Variants in SGSM1 observed in about 807,000 individuals in gnomAD.
SGSM1 encodes small G protein signaling modulator 1, also known as RUN and TBC1 domain containing 2.
In SGSM1, 73 loss-of-function variants were observed where a neutral mutation model predicts 133.8. That is an observed-to-expected ratio of 0.55 (90% confidence interval 0.45 to 0.66). The LOEUF is 0.66. Ranked by LOEUF, SGSM1 falls within the 30% of genes least tolerant of loss-of-function variation. The pLI is 0.00. For synonymous variants in SGSM1, 563 were observed against 573.0 expected, an observed-to-expected ratio of 0.98 and a Z score of 0.25; for missense variants, 1,213 against 1,448.1, an observed-to-expected ratio of 0.84 and a Z score of 2.64.
Position 24,895,286 on chromosome 22 carries a change from A to T in SGSM1, c.2017A>T (p.Thr673Ser), listed in dbSNP as rs915344083. The T allele has an allele frequency of 5.8e-5, 93 of 1,611,080 alleles. No individual in the cohort carries two copies. The highest frequency in any genetic ancestry group is 7.8e-5 in the Non-Finnish European group (92 of 1,178,858). Reference sequence around the variant, plus strand: ...CCTGCACAGCGACTCCAGCAGCAGCACACAGGTGACCTTGTGGAGGCCTCG... The same window carrying T: ...CCTGCACAGCGACTCCAGCAGCAGCTCACAGGTGACCTTGTGGAGGCCTCG... ...IRLHSDSSSS[T>S]QVFESVDEVE... Residue 673 changes from threonine to serine, a missense_variant, in exon 18 of 25, where the codon ACA becomes TCA. Physicochemically the swap from Thr to Ser is moderately conservative, Grantham distance 58. Coordinates refer to ENST00000400358, the MANE Select transcript of SGSM1 (RefSeq NM_001098497.3).
chr22:24,889,959 ATT>A (rs72491088), intron 16 of SGSM1, among the ~76,000 whole-genome samples: 15,999 of 120,840 alleles, frequency 0.13, 1,077 homozygotes, highest in African/African-American at 0.21. Context: ...CCTTAAATGG[ATT>A]TTTTTTTTTT....
At chr22:24,859,514 A>G in intron 8 of SGSM1, 5 of 685,436 alleles carry the variant, frequency 7.3e-6, no homozygotes, top group South Asian at 6.0e-5. Context: ...TGTAGAACCC[A>G]TTTGGGAGGC....
At chr22:24,909,947 T>C (rs903264484) in intron 21 of SGSM1, among the ~76,000 whole-genome samples, 12 of 152,202 alleles carry the variant, frequency 7.9e-5, no homozygotes, top group Non-Finnish European at 1.2e-4. Flanking sequence ...ACAGTCCAAA[T>C]GTCCATCAAA....
At chr22:24,815,048 G>A (rs1012775882) in intron 2 of SGSM1, among the ~76,000 whole-genome samples, 1 of 152,242 alleles carries the variant, frequency 6.6e-6, no homozygotes, top group African/African-American at 2.4e-5. Context: ...AAACTCAGAT[G>A]TGGGGCAGTG....
At chr22:24,905,420 A>G (rs1933339990) in intron 21 of SGSM1, among the ~76,000 whole-genome samples, 1 of 152,132 alleles carries the variant, frequency 6.6e-6, no homozygotes, top group Non-Finnish European at 1.5e-5. Context: ...TATGAATATG[A>G]ATGAGAACAA....
At chr22:24,880,497 G>A (rs571633387) in intron 14 of SGSM1, among the ~76,000 whole-genome samples, 5 of 152,188 alleles carry the variant, frequency 3.3e-5, no homozygotes, top group East Asian at 1.9e-4. Context: ...AAGATAAAAC[G>A]TGTGTGTATT....
intron 16 of SGSM1, among the ~76,000 whole-genome samples, chr22:24,890,165 A>C (rs184045918): frequency 0.021 from 3,133 of 151,574 alleles, 93 homozygotes; most frequent in African/African-American, 0.067. Flanking sequence ...ACCGTGTTAG[A>C]TAGGATGGTC....
chr22:24,823,186 T>C (rs1009036354), intron 2 of SGSM1, among the ~76,000 whole-genome samples: 1 of 152,180 alleles, frequency 6.6e-6, no homozygotes, highest in Non-Finnish European at 1.5e-5. Flanking sequence ...CTATGGAGAT[T>C]AGATGAGATC....
chr22:24,895,160 C>A, intron 17 of SGSM1, 63 bp from the exon 18 acceptor site: 1 of 1,507,856 alleles, frequency 6.6e-7, no homozygotes, highest in Non-Finnish European at 9.1e-7. Flanking sequence ...GCCCAGCAGT[C>A]CTTCCTGCTC....
intron 2 of SGSM1, among the ~76,000 whole-genome samples, chr22:24,810,863 G>A (rs1241092570): frequency 6.6e-6 from 1 of 152,174 alleles, no homozygotes; most frequent in Admixed American, 6.5e-5. Flanking sequence ...GGAGAGGCAG[G>A]CAGGACTTGC....
chr22:24,850,500 C>T (rs1175873039), intron 5 of SGSM1, 68 bp downstream of exon 5: 8 of 1,573,144 alleles, frequency 5.1e-6, no homozygotes, highest in South Asian at 2.3e-5. Flanking sequence ...GGAAATTGCA[C>T]CCCCTGGCAC....
chr22:24,811,070 T>A (rs1341546441), intron 2 of SGSM1, among the ~76,000 whole-genome samples: 2 of 152,322 alleles, frequency 1.3e-5, no homozygotes, highest in African/African-American at 4.8e-5. Context: ...AGTATGAGTA[T>A]GTGTTGCTAA....
chr22:24,915,744 T>G (rs938666306), intron 22 of SGSM1, among the ~76,000 whole-genome samples: 11 of 152,198 alleles, frequency 7.2e-5, no homozygotes, highest in Non-Finnish European at 1.6e-4. Flanking sequence ...TACAGTGAAA[T>G]TATTATTGAC....
chr22:24,900,905 G>A (rs1467280748), intron 19 of SGSM1, among the ~76,000 whole-genome samples: 2 of 152,122 alleles, frequency 1.3e-5, no homozygotes, highest in African/African-American at 2.4e-5. Context: ...AGACCCAGGT[G>A]GAAGGTAGAT....
chr22:24,885,836 C>T (rs145277073), intron 15 of SGSM1, among the ~76,000 whole-genome samples: 2,186 of 151,830 alleles, frequency 0.014, 44 homozygotes, highest in African/African-American at 0.05. Context: ...GGAGAGTTAC[C>T]TGAGTTTGGC....
intron 9 of SGSM1, among the ~76,000 whole-genome samples, chr22:24,863,142 T>C (rs771548562): frequency 3.9e-5 from 6 of 152,160 alleles, no homozygotes; most frequent in Non-Finnish European, 7.4e-5. Context: ...AGGCACCTCA[T>C]AGGCACTGTT....
At position 24,890,158 on chromosome 22, in the gene SGSM1, G is replaced by A. The variant is rs372159955; in HGVS notation, c.1771-3273G>A. Among the ~76,000 whole-genome samples, 20 of 151,886 alleles carry A rather than the reference G, an allele frequency of 1.3e-4. No individual in the cohort carries two copies. The South Asian group carries it at 1.5e-3, about 11-fold the overall frequency. ...TTTTTAGCAGAGACAGGGTTTTACC[G>A]TGTTAGATAGGATGGTCTCGATCTC... On this transcript the variant is annotated intron_variant, in intron 16 of 24. Coordinates refer to ENST00000400358, the MANE Select transcript of SGSM1 (RefSeq NM_001098497.3).
chr22:24,880,039 C>G (rs771049416), intron 14 of SGSM1, among the ~76,000 whole-genome samples: 1 of 152,144 alleles, frequency 6.6e-6, no homozygotes, highest in Non-Finnish European at 1.5e-5. Flanking sequence ...CACAGAGAGG[C>G]AAGATGACTT....
At position 24,853,657 on chromosome 22, in the gene SGSM1, A is replaced by G. The variant is rs561541895; in HGVS notation, c.456-1339A>G. 1.6e-4 allele frequency among the ~76,000 whole-genome samples: 24 copies of G among 151,476 alleles called. 1 individual carries two copies. The South Asian group carries it at 4.8e-3, about 30-fold the overall frequency. ...AGTCTTGCTCTGTTGCCTGGGCTGT[A>G]GTGCAGTGGCGCCATCTTGGCTCAC... On this transcript the variant is annotated intron_variant, in intron 5 of 24. Coordinates refer to ENST00000400358, the MANE Select transcript of SGSM1 (RefSeq NM_001098497.3).
Sources: gnomAD v4.1 joint callset for allele counts (sites outside exome capture counted in the v4.1 genomes callset) on GRCh38, gnomAD v4.1.1 for gene constraint, MANE v1.5 for transcripts, NCBI Gene and HGNC (gene_info 2026-07-23, HGNC 2026-07-21) for gene names.